The following DLG2 variants were observed in gnomAD, a reference collection of about 807,000 sequenced individuals.
DLG2 encodes the protein disks large homolog 2.
Under a neutral mutation model 132.5 loss-of-function variants are expected in DLG2, and 45 were observed. The observed-to-expected ratio is 0.34, with a 90% CI of 0.27 to 0.44. DLG2 has a LOEUF of 0.44. Among genes scored for constraint, DLG2 ranks in the 20% least tolerant of loss-of-function variants. The probability of loss-of-function intolerance (pLI) is 1.00; values close to 1 mark genes in which losing one functional copy is unlikely to be tolerated. For missense variants in DLG2, 1,045 were observed against 1,196.9 expected (o/e 0.87, Z 1.87); for synonymous variants, 424 against 419.6 (o/e 1.01, Z -0.13).
At chr11:83,594,107 T>G (rs1268132729) in intron 19 of DLG2, among the ~76,000 whole-genome samples, 1 of 152,236 alleles carries the variant, frequency 6.6e-6, no homozygotes, top group Non-Finnish European at 1.5e-5. Flanking sequence ...TACTGATCTG[T>G]TCCCTGTATT....
chr11:83,588,255 C>T (rs1195848734), intron 19 of DLG2, among the ~76,000 whole-genome samples: 1 of 150,660 alleles, frequency 6.6e-6, no homozygotes, highest in Non-Finnish European at 1.5e-5. Context: ...TTGAAGAGAG[C>T]AGTAGTTCTC....
At chr11:83,835,103 T>C (rs943464868) in intron 16 of DLG2, among the ~76,000 whole-genome samples, 23 of 152,178 alleles carry the variant, frequency 1.5e-4, no homozygotes, top group African/African-American at 5.3e-4. Flanking sequence ...AAGTAATAAA[T>C]TATGTAACAA....
At chr11:83,503,526 G>T (rs184147786) in intron 21 of DLG2, among the ~76,000 whole-genome samples, 12 of 151,056 alleles carry the variant, frequency 7.9e-5, no homozygotes, top group Admixed American at 7.3e-4. Context: ...TCTGCAAGCT[G>T]AAGAGAAAGG....
intron 10 of DLG2, among the ~76,000 whole-genome samples, chr11:84,059,824 A>T (rs1206966998): frequency 6.6e-6 from 1 of 152,186 alleles, no homozygotes; most frequent in Non-Finnish European, 1.5e-5. Flanking sequence ...AATTGGTTTG[A>T]CTGAAAGTTA....
chr11:84,024,670 T>C (rs934832509), intron 11 of DLG2, among the ~76,000 whole-genome samples: 2 of 152,148 alleles, frequency 1.3e-5, no homozygotes, highest in African/African-American at 4.8e-5. Context: ...AAACACTCTA[T>C]ATTCTCATTT....
intron 9 of DLG2, among the ~76,000 whole-genome samples, chr11:84,138,686 C>G (rs986315430): frequency 6.6e-6 from 1 of 152,202 alleles, no homozygotes; most frequent in Non-Finnish European, 1.5e-5. Flanking sequence ...CGGTGGTTCA[C>G]GCCCATAATC....
chr11:84,875,061 T>C (rs1005470628), intron 6 of DLG2, among the ~76,000 whole-genome samples: 3 of 151,228 alleles, frequency 2.0e-5, no homozygotes, highest in South Asian at 2.1e-4. Context: ...GGAGTCAATA[T>C]TGACTGATGC....
intron 11 of DLG2, among the ~76,000 whole-genome samples, chr11:84,003,561 C>T (rs1275379548): frequency 6.6e-6 from 1 of 152,198 alleles, no homozygotes; most frequent in East Asian, 1.9e-4. Context: ...CACAAGGTGG[C>T]AGGAAGCAGT....
intron 10 of DLG2, among the ~76,000 whole-genome samples, chr11:84,084,627 C>A (rs1016853866): frequency 1.3e-5 from 2 of 152,188 alleles, no homozygotes; most frequent in East Asian, 3.8e-4. Flanking sequence ...CCTCTAAGCT[C>A]TCTTCTCAAC....
intron 7 of DLG2, among the ~76,000 whole-genome samples, chr11:84,482,008 G>T (rs903947678): frequency 6.6e-6 from 1 of 152,014 alleles, no homozygotes; most frequent in African/African-American, 2.4e-5. Context: ...CTATTACATT[G>T]CATTAAATTA....
intron 12 of DLG2, among the ~76,000 whole-genome samples, chr11:83,974,579 T>C (rs1029043516): frequency 1.3e-5 from 2 of 152,180 alleles, no homozygotes; most frequent in Middle Eastern, 3.4e-3. Flanking sequence ...CTAAAATTCA[T>C]TGAGAATCTT....
At chr11:85,068,374 G>C (rs898205897) in intron 6 of DLG2, among the ~76,000 whole-genome samples, 2 of 152,116 alleles carry the variant, frequency 1.3e-5, no homozygotes, top group Admixed American at 6.6e-5. Context: ...CCTGTTTGCA[G>C]ATGACATGAT....
At chr11:84,966,081 G>T (rs949083749) in intron 6 of DLG2, among the ~76,000 whole-genome samples, 1 of 151,900 alleles carries the variant, frequency 6.6e-6, no homozygotes, top group African/African-American at 2.4e-5. Context: ...TGGTGAGGCA[G>T]ATAATAGGTG....
chr11:84,575,964 G>C (rs557386166), intron 6 of DLG2, among the ~76,000 whole-genome samples: 1 of 152,310 alleles, frequency 6.6e-6, no homozygotes, highest in South Asian at 2.1e-4. Flanking sequence ...GGTAGAGCAA[G>C]ACATGTTCCT....
At chr11:84,295,730 T>A (rs2098081337) in intron 7 of DLG2, among the ~76,000 whole-genome samples, 1 of 152,156 alleles carries the variant, frequency 6.6e-6, no homozygotes, top group South Asian at 2.1e-4. Flanking sequence ...CACTCACTCA[T>A]TTTCTTCTGA....
intron 6 of DLG2, among the ~76,000 whole-genome samples, chr11:84,873,658 C>T (rs2085856802): frequency 6.6e-6 from 1 of 152,196 alleles, no homozygotes; most frequent in African/African-American, 2.4e-5. Flanking sequence ...TCCTGATCAT[C>T]ACTCAGGAAT....
intron 21 of DLG2, among the ~76,000 whole-genome samples, chr11:83,516,139 A>G (rs1365610730): frequency 6.6e-6 from 1 of 152,126 alleles, no homozygotes; most frequent in African/African-American, 2.4e-5. Flanking sequence ...AAAGTCTTCC[A>G]TTATTATTCT....
At chr11:85,252,690 A>G (rs1214254221) in intron 4 of DLG2, among the ~76,000 whole-genome samples, 1 of 152,242 alleles carries the variant, frequency 6.6e-6, no homozygotes, top group Non-Finnish European at 1.5e-5. Flanking sequence ...TACTTACCTA[A>G]TAAATATAAA....
At chr11:84,449,200 C>G (rs2099044227) in intron 7 of DLG2, among the ~76,000 whole-genome samples, 1 of 151,868 alleles carries the variant, frequency 6.6e-6, no homozygotes, top group Non-Finnish European at 1.5e-5. Flanking sequence ...AACAAGTGAT[C>G]TTTTGCAAAA....
Sources: allele counts gnomAD v4.1 joint callset (sites outside exome capture counted in the v4.1 genomes callset), GRCh38; gene constraint gnomAD v4.1.1; transcripts MANE v1.5; gene names NCBI Gene and HGNC (gene_info 2026-07-23, HGNC 2026-07-21).